Variants in WDR72 observed in about 807,000 individuals in gnomAD.
The protein encoded by WDR72 is WD repeat-containing protein 72.
WDR72 carries 120 observed loss-of-function variants against 124.2 expected under a neutral mutation model. The ratio of observed to expected loss-of-function variants is 0.97; its 90% CI spans 0.83 to 1.12. The LOEUF is 1.12. Ranked by LOEUF, WDR72 falls within the 50% of genes most tolerant of loss-of-function variation. The pLI, the probability that WDR72 is intolerant of heterozygous loss-of-function variation, is 0.00. For missense variants in WDR72, 1,387 were observed against 1,278.8 expected (o/e 1.08, Z -1.29); for synonymous variants, 452 against 441.7 (o/e 1.02, Z -0.29).
intron 14 of WDR72, among the ~76,000 whole-genome samples, chr15:53,641,621 A>T (rs1241888911): frequency 6.6e-6 from 1 of 151,906 alleles, no homozygotes; most frequent in Non-Finnish European, 1.5e-5. Context: ...GGACTATATC[A>T]TTTTGTTAAA....
chr15:53,632,832 C>T (rs979573613), intron 14 of WDR72, among the ~76,000 whole-genome samples: 9 of 152,224 alleles, frequency 5.9e-5, no homozygotes, highest in African/African-American at 2.2e-4. Flanking sequence ...TTTCTTCTGA[C>T]CAATTTTTCC....
chr15:53,667,057 G>A (rs2015803459), intron 13 of WDR72, among the ~76,000 whole-genome samples: 1 of 152,104 alleles, frequency 6.6e-6, no homozygotes, highest in African/African-American at 2.4e-5. Context: ...TTTCCACCAA[G>A]ATTGATCTAT....
chr15:53,673,932 A>G (rs2016077855), intron 13 of WDR72, among the ~76,000 whole-genome samples: 1 of 152,196 alleles, frequency 6.6e-6, no homozygotes, highest in Non-Finnish European at 1.5e-5. Context: ...CGGAGGTTTC[A>G]GTGACCTGAG....
intron 13 of WDR72, among the ~76,000 whole-genome samples, chr15:53,684,823 T>C (rs1595847806): frequency 6.6e-6 from 1 of 152,300 alleles, no homozygotes; most frequent in East Asian, 1.9e-4. Flanking sequence ...CTGACAGCTT[T>C]GAAGAGAGCA....
At chr15:53,630,484 T>C (rs1217694512) in intron 14 of WDR72, among the ~76,000 whole-genome samples, 1 of 151,904 alleles carries the variant, frequency 6.6e-6, no homozygotes, top group Non-Finnish European at 1.5e-5. Context: ...ACAAAGCAAA[T>C]CTACCAAAAC....
At chr15:53,568,435 G>T (rs763209740) in intron 18 of WDR72, among the ~76,000 whole-genome samples, 5 of 151,892 alleles carry the variant, frequency 3.3e-5, no homozygotes, top group Non-Finnish European at 7.4e-5. Flanking sequence ...GTGACAGGGA[G>T]CTCACCACTT....
intron 13 of WDR72, among the ~76,000 whole-genome samples, chr15:53,688,277 C>A (rs2016712920): frequency 6.7e-6 from 1 of 149,140 alleles, no homozygotes; most frequent in Non-Finnish European, 1.5e-5. Context: ...CAAATTGTCC[C>A]TGTTTGCAGA....
chr15:53,548,744 T>A (rs1054707395), intron 18 of WDR72, among the ~76,000 whole-genome samples: 2 of 152,140 alleles, frequency 1.3e-5, no homozygotes, highest in African/African-American at 2.4e-5. Flanking sequence ...AAGATTTTTT[T>A]AAAAACTAGT....
At chr15:53,738,071 A>G (rs544482725) in intron 1 of WDR72, among the ~76,000 whole-genome samples, 1 of 152,210 alleles carries the variant, frequency 6.6e-6, no homozygotes, top group Non-Finnish European at 1.5e-5. Flanking sequence ...ACTAAAAAAA[A>G]TTCTAAATGA....
intron 19 of WDR72, 26 bp from the exon 20 acceptor site, chr15:53,517,780 T>G: frequency 6.2e-7 from 1 of 1,610,900 alleles, no homozygotes; most frequent in Non-Finnish European, 8.5e-7. Flanking sequence ...ATATCTTGGG[T>G]TATATGGTGA....
At chr15:53,550,087 G>C (rs969737255) in intron 18 of WDR72, among the ~76,000 whole-genome samples, 1 of 152,180 alleles carries the variant, frequency 6.6e-6, no homozygotes, top group African/African-American at 2.4e-5. Context: ...ACACTGATTG[G>C]TGGAAAGCAC....
intron 14 of WDR72, among the ~76,000 whole-genome samples, chr15:53,659,351 G>C (rs1031756): frequency 0.22 from 33,399 of 151,956 alleles, 4,047 homozygotes; most frequent in East Asian, 0.46. Flanking sequence ...ACTCCCCACC[G>C]GCACGTGCTG....
At chr15:53,591,429 C>G (rs1017618035) in intron 18 of WDR72, among the ~76,000 whole-genome samples, 5 of 152,016 alleles carry the variant, frequency 3.3e-5, no homozygotes, top group South Asian at 4.2e-4. Flanking sequence ...ACTCCATAAC[C>G]AAAAGTCAAT....
At chr15:53,668,139 A>G (rs1055993677) in intron 13 of WDR72, among the ~76,000 whole-genome samples, 1 of 152,202 alleles carries the variant, frequency 6.6e-6, no homozygotes, top group African/African-American at 2.4e-5. Flanking sequence ...CACCTAAGCT[A>G]TTTCCACCCA....
intron 14 of WDR72, among the ~76,000 whole-genome samples, chr15:53,647,222 C>G (rs1267133170): frequency 6.6e-6 from 1 of 151,976 alleles, no homozygotes; most frequent in Non-Finnish European, 1.5e-5. Flanking sequence ...ACACCAAATT[C>G]TGAATTATAG....
intron 9 of WDR72, 107 bp from the exon 10 acceptor site, chr15:53,706,181 T>C: frequency 1.6e-6 from 2 of 1,218,124 alleles, no homozygotes; most frequent in Non-Finnish European, 2.3e-6. Flanking sequence ...ATCTTTTCAA[T>C]TTATTTCCCA....
chr15:53,728,164 G>C (rs1465340081), intron 2 of WDR72, among the ~76,000 whole-genome samples: 1 of 152,212 alleles, frequency 6.6e-6, no homozygotes, highest in Non-Finnish European at 1.5e-5. Flanking sequence ...CCCAATCATG[G>C]TGGAAGGCAA....
intron 14 of WDR72, among the ~76,000 whole-genome samples, chr15:53,629,668 G>T (rs1311305380): frequency 1.3e-5 from 2 of 152,100 alleles, no homozygotes; most frequent in Non-Finnish European, 2.9e-5. Flanking sequence ...TTTGTGACAA[G>T]GATCTTTTCT....
At chr15:53,746,952 G>C (rs763760143) in intron 1 of WDR72, among the ~76,000 whole-genome samples, 19 of 152,180 alleles carry the variant, frequency 1.2e-4, no homozygotes, top group Non-Finnish European at 2.2e-4. Flanking sequence ...GAAACAGTTT[G>C]GGAAAGGGCA....
Sources: gnomAD v4.1 joint callset for allele counts (sites outside exome capture counted in the v4.1 genomes callset) on GRCh38, gnomAD v4.1.1 for gene constraint, MANE v1.5 for transcripts, NCBI Gene and HGNC (gene_info 2026-07-23, HGNC 2026-07-21) for gene names.